MRAP2: variants seen among roughly 807,000 people sequenced by gnomAD.
The protein encoded by MRAP2 is melanocortin 2 receptor accessory protein 2, also known as melanocortin-2 receptor accessory protein 2.
Under a neutral mutation model 17.4 loss-of-function variants are expected in MRAP2, and 20 were observed. That is an observed-to-expected ratio of 1.15 (90% CI 0.81 to 1.67). MRAP2 has a LOEUF of 1.67. Among genes scored for constraint, MRAP2 ranks in the 40% most tolerant of loss-of-function variants. MRAP2 has a pLI of 0.00. For synonymous variants in MRAP2, 96 were observed against 88.4 expected (o/e 1.09, Z -0.48); for missense variants, 238 against 240.0 (o/e 0.99, Z 0.05).
downstream of MRAP2, among the ~76,000 whole-genome samples, chr6:84,095,536 T>C (rs2099502525): frequency 6.6e-6 from 1 of 152,224 alleles, no homozygotes; most frequent in African/African-American, 2.4e-5. Context: ...ATTTCTCTTT[T>C]AGAGATATAC....
chr6:84,076,867 C>T (rs1264558166), intron 3 of MRAP2, among the ~76,000 whole-genome samples: 1 of 152,220 alleles, frequency 6.6e-6, no homozygotes, highest in Non-Finnish European at 1.5e-5. Flanking sequence ...CAGAGCATTA[C>T]TTGTGTTGTC....
intron 1 of MRAP2, among the ~76,000 whole-genome samples, chr6:84,046,721 C>T (rs1456133675): frequency 7.5e-6 from 1 of 133,676 alleles, no homozygotes; most frequent in Non-Finnish European, 1.5e-5. Flanking sequence ...GTGGAGGTTG[C>T]AGTGAGCTGA....
chr6:84,124,006 T>C, the MRAP2 span, among the ~76,000 whole-genome samples: 1 of 151,974 alleles, frequency 6.6e-6, no homozygotes, highest in Non-Finnish European at 1.5e-5. Context: ...AAAACCACAC[T>C]GAGATACCAT....
chr6:84,125,267 G>T, the MRAP2 span: 1 of 1,612,836 alleles, frequency 6.2e-7, no homozygotes, highest in Non-Finnish European at 8.5e-7. Context: ...TGGTGTGTTT[G>T]CTGTATTATC....
At chr6:84,101,048 A>G in the MRAP2 span, among the ~76,000 whole-genome samples, 1 of 152,210 alleles carries the variant, frequency 6.6e-6, no homozygotes, top group African/African-American at 2.4e-5. Flanking sequence ...TTTTCCAAAT[A>G]TCCAAACATA....
chr6:84,093,331 C>T (rs2099502110), downstream of MRAP2, among the ~76,000 whole-genome samples: 1 of 152,148 alleles, frequency 6.6e-6, no homozygotes, highest in Admixed American at 6.5e-5. Context: ...CTCACCGAGG[C>T]ACCAGGGTGA....
the MRAP2 span, among the ~76,000 whole-genome samples, chr6:84,098,221 T>C: frequency 6.6e-6 from 1 of 152,196 alleles, no homozygotes; most frequent in South Asian, 2.1e-4. Flanking sequence ...TACTCTGTTT[T>C]GCCTGGCTTC....
chr6:84,093,266 A>AACAG (rs1248638051), downstream of MRAP2, among the ~76,000 whole-genome samples: 3 of 119,764 alleles, frequency 2.5e-5, no homozygotes, highest in East Asian at 4.2e-4. Flanking sequence ...GGGCAAGAAA[A>AACAG]ATAGAGAGAG....
At chr6:84,127,269 T>C in the MRAP2 span, among the ~76,000 whole-genome samples, 1 of 152,132 alleles carries the variant, frequency 6.6e-6, no homozygotes, top group African/African-American at 2.4e-5. Context: ...TGAAAATGGA[T>C]AGAACTAACA....
chr6:84,126,378 C>T, the MRAP2 span: 2 of 1,579,230 alleles, frequency 1.3e-6, no homozygotes, highest in East Asian at 2.3e-5. Flanking sequence ...TTTACTTTAC[C>T]TGTTGAAGTT....
intron 2 of MRAP2, among the ~76,000 whole-genome samples, chr6:84,060,945 C>T (rs1469007502): frequency 3.3e-5 from 5 of 151,470 alleles, no homozygotes; most frequent in Middle Eastern, 3.4e-3. Context: ...GTGATCTGCC[C>T]GCCTCGGCCT....
downstream of MRAP2, among the ~76,000 whole-genome samples, chr6:84,093,268 TAGAG>T (rs35368724): frequency 3.5e-4 from 53 of 150,408 alleles, no homozygotes; most frequent in Non-Finnish European, 6.5e-4. Context: ...GCAAGAAAAA[TAGAG>T]AGAGAGAAAG....
At chr6:84,125,775 A>G in the MRAP2 span, among the ~76,000 whole-genome samples, 2 of 152,112 alleles carry the variant, frequency 1.3e-5, no homozygotes, top group Non-Finnish European at 2.9e-5. Flanking sequence ...CAAAACCTCA[A>G]TCTGGGACTT....
the MRAP2 span, among the ~76,000 whole-genome samples, chr6:84,116,592 C>A: frequency 7.5e-4 from 114 of 152,250 alleles, 1 homozygote; most frequent in East Asian, 0.018. Flanking sequence ...ATGTTTCCAG[C>A]TTTTACTCAT....
intron 1 of MRAP2, 108 bp from the exon 2 acceptor site, chr6:84,055,204 C>G: frequency 7.5e-7 from 1 of 1,332,804 alleles, no homozygotes; most frequent in Non-Finnish European, 1.0e-6. Flanking sequence ...AAGACCTCCT[C>G]AAGGGGTTTG....
chr6:84,060,708 C>T (rs533191284), intron 2 of MRAP2, among the ~76,000 whole-genome samples: 9 of 149,944 alleles, frequency 6.0e-5, no homozygotes, highest in African/African-American at 9.8e-5. Flanking sequence ...TTTTTTGAGA[C>T]GGAGTCTTGC....
chr6:84,132,059 C>T, the MRAP2 span, among the ~76,000 whole-genome samples: 17 of 152,236 alleles, frequency 1.1e-4, 1 homozygote, highest in South Asian at 3.5e-3. Context: ...TCTCTCAGCA[C>T]TTGCTTGTCT....
rs1418907866 is a variant in MRAP2, at chr6:84,063,010, C to T, written c.227+18C>T. ...CACCAAGAGTAAGTTTGGGCTGTTC[C>T]TAAATGTCTCTTAAGCCTCACAGGA... On this transcript the variant is annotated intron_variant, in intron 3 of 3. Coordinates refer to ENST00000257776, the MANE Select transcript of MRAP2 (RefSeq NM_138409.4). 6.2e-7 allele frequency: 1 copy of T among 1,613,976 alleles called. No homozygotes were observed. Among genetic ancestry groups the T allele is most frequent in the Non-Finnish European group, 8.5e-7 (1 of 1,179,932 alleles).
the MRAP2 span, among the ~76,000 whole-genome samples, chr6:84,111,945 G>C: frequency 1.3e-5 from 2 of 152,176 alleles, no homozygotes; most frequent in African/African-American, 4.8e-5. Flanking sequence ...TGCATCCCAG[G>C]GATGAAGCCA....
Sources: gnomAD v4.1 joint callset for allele counts (sites outside exome capture counted in the v4.1 genomes callset) on GRCh38, gnomAD v4.1.1 for gene constraint, MANE v1.5 for transcripts, NCBI Gene and HGNC (gene_info 2026-07-23, HGNC 2026-07-21) for gene names.